The following ANO3 variants were observed in gnomAD, a reference collection of about 807,000 sequenced individuals.
ANO3 encodes anoctamin-3.
ANO3 carries 99 observed loss-of-function variants against 144.8 expected under a neutral mutation model. The observed-to-expected ratio is 0.68, with a 90% CI of 0.58 to 0.81. The LOEUF is 0.81. ANO3 is among the 30% of genes least tolerant of loss of function. The pLI, the probability that ANO3 is intolerant of heterozygous loss-of-function variation, is 0.00. For synonymous variants in ANO3, 414 were observed against 392.6 expected (o/e 1.05, Z -0.64); for missense variants, 905 against 1,202.2 (o/e 0.75, Z 3.66).
chr11:26,231,760 T>C (rs1387844031), intron 1 of ANO3, among the ~76,000 whole-genome samples: 1 of 152,242 alleles, frequency 6.6e-6, no homozygotes, highest in Non-Finnish European at 1.5e-5. Flanking sequence ...AAGGAATGCG[T>C]CTACGAATGT....
intron 4 of ANO3, among the ~76,000 whole-genome samples, chr11:26,478,419 A>AT (rs1399384581): frequency 2.6e-5 from 4 of 151,174 alleles, no homozygotes; most frequent in Non-Finnish European, 5.9e-5. Flanking sequence ...TATATGGTGG[A>AT]TTTTTCCTGT....
intron 19 of ANO3, among the ~76,000 whole-genome samples, chr11:26,634,780 C>G (rs956311286): frequency 6.6e-6 from 1 of 152,164 alleles, no homozygotes. Flanking sequence ...ATGTGAGGGT[C>G]GGAAATGTCA....
At chr11:26,292,895 G>A (rs1475144418) in intron 1 of ANO3, among the ~76,000 whole-genome samples, 4 of 152,268 alleles carry the variant, frequency 2.6e-5, no homozygotes. Context: ...GGACCCACGA[G>A]GAGGCAGTCT....
rs573296906 is a variant in ANO3, at chr11:26,546,466, A to G, written c.1155-950A>G. 3.1e-4 allele frequency among the ~76,000 whole-genome samples: 47 copies of G among 152,126 alleles called. 1 individual carries two copies. Among genetic ancestry groups the G allele is most frequent in the Non-Finnish European group, 6.2e-4 (42 of 67,958 alleles). On this transcript the variant is annotated intron_variant, in intron 11 of 26. Coordinates refer to ENST00000256737, the MANE Select transcript of ANO3 (RefSeq NM_031418.4). ...CAAGAGAATCTTCTTCTTATCAAGA[A>G]TCACTGCTCAGTGCAATATGCCCAA...
intron 17 of ANO3, among the ~76,000 whole-genome samples, chr11:26,604,032 A>G (rs780911908): frequency 2.6e-5 from 4 of 152,044 alleles, no homozygotes; most frequent in Non-Finnish European, 5.9e-5. Flanking sequence ...ACTGTGCAGT[A>G]GAACACTAGA....
At chr11:26,453,493 A>T (rs1285800645) in intron 3 of ANO3, among the ~76,000 whole-genome samples, 1 of 152,196 alleles carries the variant, frequency 6.6e-6, no homozygotes, top group Non-Finnish European at 1.5e-5. Flanking sequence ...AGGCCATTAC[A>T]TAATGGTAAA....
Position 26,660,449 on chromosome 11 carries a change from C to CA in ANO3, c.*6dup, listed in dbSNP as rs1853844956. On this transcript the variant is annotated 3_prime_UTR_variant, in exon 27 of 27. Transcript: ENST00000256737. ...GTTCACCATGAATGGCCTTAGTTGA[C>CA]ACCTGTTACCCATTAGGGGTGATAA... 6.2e-7 allele frequency: 1 copy of CA among 1,608,342 alleles called. No homozygotes were observed. The highest frequency in any genetic ancestry group is 8.5e-7 in the Non-Finnish European group (1 of 1,177,688).
At chr11:26,357,492 T>A (rs956015698) in intron 1 of ANO3, among the ~76,000 whole-genome samples, 11 of 152,082 alleles carry the variant, frequency 7.2e-5, no homozygotes, top group Non-Finnish European at 1.5e-4. Context: ...CATCCATACA[T>A]CATCCTTCAT....
intron 1 of ANO3, among the ~76,000 whole-genome samples, chr11:26,197,597 C>T (rs570878982): frequency 8.3e-4 from 126 of 152,120 alleles, no homozygotes; most frequent in Non-Finnish European, 1.3e-3. Flanking sequence ...GTGATCCTCC[C>T]GCCTCGGCCT....
intron 14 of ANO3, among the ~76,000 whole-genome samples, chr11:26,596,483 G>C (rs71480130): frequency 6.6e-6 from 1 of 152,152 alleles, no homozygotes; most frequent in Non-Finnish European, 1.5e-5. Flanking sequence ...GGTGGGGAAC[G>C]GGTCCCACAT....
chr11:26,271,021 G>T (rs1204451624), intron 1 of ANO3, among the ~76,000 whole-genome samples: 1 of 152,200 alleles, frequency 6.6e-6, no homozygotes, highest in African/African-American at 2.4e-5. Context: ...AGGGACAAAA[G>T]AAAAGCTTGG....
At chr11:26,413,174 G>T (rs1272698215) in intron 1 of ANO3, among the ~76,000 whole-genome samples, 2 of 151,892 alleles carry the variant, frequency 1.3e-5, no homozygotes, top group Non-Finnish European at 2.9e-5. Flanking sequence ...GCACTATGTT[G>T]CCCATGGTGA....
At chr11:26,361,764 T>C (rs1246773138) in intron 1 of ANO3, among the ~76,000 whole-genome samples, 1 of 152,200 alleles carries the variant, frequency 6.6e-6, no homozygotes, top group Non-Finnish European at 1.5e-5. Context: ...GACACTCTGG[T>C]TTCTTTTTGC....
chr11:26,563,042 A>T, intron 14 of ANO3: 2 of 1,555,074 alleles, frequency 1.3e-6, no homozygotes, highest in Non-Finnish European at 8.7e-7. Context: ...CCTTCTAGGC[A>T]ATGCAGTGAA....
At chr11:26,357,107 T>C (rs1336283779) in intron 1 of ANO3, among the ~76,000 whole-genome samples, 3 of 152,204 alleles carry the variant, frequency 2.0e-5, no homozygotes, top group African/African-American at 4.8e-5. Context: ...ATACAAAATA[T>C]TGCTTATCCA....
At chr11:26,622,021 T>C (rs747861345) in intron 17 of ANO3, among the ~76,000 whole-genome samples, 4 of 152,104 alleles carry the variant, frequency 2.6e-5, no homozygotes, top group Non-Finnish European at 5.9e-5. Flanking sequence ...CACCATACAG[T>C]TGGATATATT....
chr11:26,583,604 A>G (rs2132865582), intron 14 of ANO3, among the ~76,000 whole-genome samples: 1 of 152,358 alleles, frequency 6.6e-6, no homozygotes, highest in Middle Eastern at 3.4e-3. Flanking sequence ...TAAGGTGTTA[A>G]CCAAAAAGAC....
chr11:26,611,202 G>T (rs1042593539), intron 17 of ANO3, among the ~76,000 whole-genome samples: 1 of 151,748 alleles, frequency 6.6e-6, no homozygotes, highest in Admixed American at 6.6e-5. Context: ...TTTTTGAGCT[G>T]CATGGTCAGG....
intron 17 of ANO3, among the ~76,000 whole-genome samples, chr11:26,615,221 G>A (rs553289522): frequency 8.2e-4 from 121 of 147,458 alleles, no homozygotes; most frequent in African/African-American, 2.9e-3. Context: ...TAAAACCACC[G>A]CTATACAAGT....
Sources: allele counts gnomAD v4.1 joint callset (sites outside exome capture counted in the v4.1 genomes callset), GRCh38; gene constraint gnomAD v4.1.1; transcripts MANE v1.5; gene names NCBI Gene and HGNC (gene_info 2026-07-23, HGNC 2026-07-21).